The following RBFOX1 variants were observed in gnomAD, a reference collection of about 807,000 sequenced individuals.
RBFOX1 encodes RNA binding fox-1 homolog 1, also known as RNA binding protein fox-1 homolog 1.
A neutral mutation model predicts 57.7 loss-of-function variants in RBFOX1; 8 were observed. That is an observed-to-expected ratio of 0.14 (90% CI 0.08 to 0.25). The LOEUF is 0.25. Among genes scored for constraint, RBFOX1 ranks in the 10% least tolerant of loss-of-function variants. The probability of loss-of-function intolerance (pLI) is 1.00; values close to 1 mark genes in which losing one functional copy is unlikely to be tolerated. For synonymous variants in RBFOX1, 326 were observed against 222.4 expected, an observed-to-expected ratio of 1.47 and a Z score of -4.15; for missense variants, 611 against 548.5, an observed-to-expected ratio of 1.11 and a Z score of -1.14.
At chr16:5,504,676 C>G (rs1042893584) in intron 2 of RBFOX1, among the ~76,000 whole-genome samples, 2 of 152,218 alleles carry the variant, frequency 1.3e-5, no homozygotes, top group Non-Finnish European at 2.9e-5. Context: ...TGAGCATTTG[C>G]TAGACACCAG....
At chr16:7,433,432 A>G (rs1395543012) in intron 4 of RBFOX1, among the ~76,000 whole-genome samples, 2 of 152,220 alleles carry the variant, frequency 1.3e-5, no homozygotes, top group African/African-American at 4.8e-5. Context: ...CAAGTCTAAT[A>G]GGGGATAATG....
intron 2 of RBFOX1, among the ~76,000 whole-genome samples, chr16:6,376,630 G>A (rs2091211536): frequency 6.6e-6 from 1 of 152,088 alleles, no homozygotes. Context: ...TCTTCCGTTT[G>A]TGAAACCAGC....
At chr16:6,395,791 A>C (rs919689695) in intron 2 of RBFOX1, among the ~76,000 whole-genome samples, 2 of 152,144 alleles carry the variant, frequency 1.3e-5, no homozygotes, top group Non-Finnish European at 2.9e-5. Context: ...AGGGCCTTGC[A>C]CAGTAGCTCA....
intron 1 of RBFOX1, among the ~76,000 whole-genome samples, chr16:6,235,003 A>C (rs1464283375): frequency 6.6e-6 from 1 of 152,162 alleles, no homozygotes; most frequent in African/African-American, 2.4e-5. Flanking sequence ...TGAGCCTGTA[A>C]TTATTTCAAA....
intron 3 of RBFOX1, among the ~76,000 whole-genome samples, chr16:6,803,166 A>T (rs2085896979): frequency 6.6e-6 from 1 of 152,050 alleles, no homozygotes; most frequent in Non-Finnish European, 1.5e-5. Context: ...GCCATGAGTT[A>T]GACATTTAAG....
intron 3 of RBFOX1, among the ~76,000 whole-genome samples, chr16:5,840,443 G>A (rs1246858613): frequency 6.6e-6 from 1 of 152,180 alleles, no homozygotes; most frequent in Admixed American, 6.5e-5. Context: ...GCTCTGCGGG[G>A]TAGAAAGTCA....
intron 4 of RBFOX1, among the ~76,000 whole-genome samples, chr16:7,460,331 A>G (rs1241031400): frequency 7.7e-5 from 11 of 142,054 alleles, no homozygotes; most frequent in East Asian, 2.1e-4. Flanking sequence ...CTGGTATTTC[A>G]TTGGCCAGAT....
intron 4 of RBFOX1, among the ~76,000 whole-genome samples, chr16:7,471,908 C>A (rs915218799): frequency 1.3e-5 from 2 of 152,188 alleles, no homozygotes; most frequent in African/African-American, 4.8e-5. Flanking sequence ...TTTCCTGCTT[C>A]CATGGGTCAA....
rs369841897 is a variant in RBFOX1 at position 6,204,525 on chromosome 16, C to T, written c.-126-112470C>T. Among the ~76,000 whole-genome samples the T allele has an allele frequency of 3.3e-5, 5 of 152,200 alleles. No individual in the cohort carries two copies. The South Asian group carries it at 1.0e-3, about 32-fold the overall frequency. On this transcript the variant is annotated intron_variant, in intron 1 of 15. Transcript: ENST00000550418. ...AAAAATAGACTGAATTATTGTTTAA[C>T]AGAAATTGGAACTAATGTTCTAGGG... is the stretch of plus-strand genomic sequence containing the variant.
chr16:7,366,751 A>G (rs551777406), intron 4 of RBFOX1, among the ~76,000 whole-genome samples: 1 of 152,286 alleles, frequency 6.6e-6, no homozygotes, highest in South Asian at 2.1e-4. Context: ...AAGCCGTTCA[A>G]GAGTAAGCAG....
intron 1 of RBFOX1, among the ~76,000 whole-genome samples, chr16:5,331,671 A>C (rs2064760860): frequency 1.3e-5 from 2 of 152,266 alleles, no homozygotes; most frequent in Admixed American, 1.3e-4. Context: ...TTACTGAAGG[A>C]AACTACAAAG....
chr16:6,714,476 C>T (rs929026643), intron 3 of RBFOX1, among the ~76,000 whole-genome samples: 1 of 152,090 alleles, frequency 6.6e-6, no homozygotes, highest in African/African-American at 2.4e-5. Flanking sequence ...TTGGAACCAA[C>T]GTACACACAT....
chr16:6,248,277 A>T (rs1196191920), intron 1 of RBFOX1, among the ~76,000 whole-genome samples: 1 of 152,162 alleles, frequency 6.6e-6, no homozygotes, highest in Non-Finnish European at 1.5e-5. Context: ...GGAAGGCAGG[A>T]TAGGAAAAAA....
At chr16:6,676,665 T>G (rs540359941) in intron 3 of RBFOX1, among the ~76,000 whole-genome samples, 2 of 139,744 alleles carry the variant, frequency 1.4e-5, no homozygotes, top group Admixed American at 1.6e-4. Flanking sequence ...TCTTTTTGTT[T>G]TTCTTTTCTT....
chr16:5,243,330 G>A (rs751807336), intron 1 of RBFOX1, among the ~76,000 whole-genome samples: 1 of 152,126 alleles, frequency 6.6e-6, no homozygotes, highest in Non-Finnish European at 1.5e-5. Flanking sequence ...CCTGATGGAC[G>A]CACCAGATAA....
intron 4 of RBFOX1, among the ~76,000 whole-genome samples, chr16:7,433,819 A>C (rs2098701388): frequency 6.6e-6 from 1 of 151,652 alleles, no homozygotes; most frequent in Admixed American, 6.5e-5. Flanking sequence ...GCCTTTCTAA[A>C]AATACTTATT....
intron 3 of RBFOX1, among the ~76,000 whole-genome samples, chr16:6,831,445 T>C (rs1045292854): frequency 5.3e-5 from 8 of 152,206 alleles, no homozygotes; most frequent in Non-Finnish European, 1.0e-4. Flanking sequence ...CACATAATTA[T>C]ACCTCAGCAA....
chr16:5,343,790 C>T (rs960805062), intron 1 of RBFOX1, among the ~76,000 whole-genome samples: 3 of 152,120 alleles, frequency 2.0e-5, no homozygotes, highest in Admixed American at 1.3e-4. Context: ...TTGAATAAGG[C>T]AAAAGGGTTA....
rs2060211865 is a variant in RBFOX1 at position 7,627,187 on chromosome 16, C to CCA, written c.677-3416_677-3415insCA. On this transcript the variant is annotated intron_variant, in intron 10 of 15. Coordinates refer to ENST00000550418, the MANE Select transcript of RBFOX1 (RefSeq NM_018723.4). ...CTTGGCAACATTCAATTCTATTTGA[C>CCA]AAAAAAAAAAAAAAAGTCAATTTGA... Among the ~76,000 whole-genome samples, 11 of 82,756 alleles carry CCA rather than the reference C, an allele frequency of 1.3e-4. No homozygotes were observed. In the South Asian group the frequency reaches 4.2e-3, roughly 31 times the overall value. The allele number at this position is 82,756 out of a possible 152,430, so 54.3% of individuals were successfully genotyped here.
Sources: gnomAD v4.1 joint callset for allele counts (sites outside exome capture counted in the v4.1 genomes callset) on GRCh38, gnomAD v4.1.1 for gene constraint, MANE v1.5 for transcripts, NCBI Gene and HGNC (gene_info 2026-07-23, HGNC 2026-07-21) for gene names.